The following DNAH14 variants were observed in gnomAD, a reference collection of about 807,000 sequenced individuals.
The protein encoded by DNAH14 is axonemal beta dynein heavy chain 14.
DNAH14 carries 478 observed loss-of-function variants against 520.9 expected under a neutral mutation model. The observed-to-expected ratio is 0.92, with a 90% CI of 0.85 to 0.99. The LOEUF (loss-of-function observed/expected upper bound fraction) is 0.99, where lower values mean the gene tolerates loss of function less well. Among genes scored for constraint, DNAH14 ranks in the 50% least tolerant of loss-of-function variants. The pLI is 0.00. For missense variants in DNAH14, 4,831 were observed against 5,234.5 expected, an observed-to-expected ratio of 0.92 and a Z score of 2.38; for synonymous variants, 1,581 against 1,757.2, an observed-to-expected ratio of 0.90 and a Z score of 2.51.
At chr1:225,357,545 G>C (rs2095443938) in intron 73 of DNAH14, among the ~76,000 whole-genome samples, 1 of 152,114 alleles carries the variant, frequency 6.6e-6, no homozygotes, top group African/African-American at 2.4e-5. Context: ...TATTCTAAGT[G>C]AACTCTGCTA....
rs1342083624 is a variant in DNAH14, at chr1:225,186,644, C to T, written c.5670+1219C>T. 5.3e-5 allele frequency among the ~76,000 whole-genome samples: 8 copies of T among 151,724 alleles called. No homozygotes were observed. The East Asian group carries it at 9.7e-4, about 18-fold the overall frequency. ...GTATTAGCTTTGATTATTTATTCTACACTAAATATATTTTGAAATAACCGA... is the reference window on the plus strand; with the variant it reads ...GTATTAGCTTTGATTATTTATTCTATACTAAATATATTTTGAAATAACCGA... On this transcript the variant is annotated intron_variant, in intron 37 of 85. Coordinates refer to ENST00000682510, the MANE Select transcript of DNAH14 (RefSeq NM_001367479.1).
intron 10 of DNAH14, among the ~76,000 whole-genome samples, chr1:225,011,919 G>A (rs192623399): frequency 6.6e-6 from 1 of 152,024 alleles, no homozygotes; most frequent in East Asian, 1.9e-4. Flanking sequence ...GCCAGTCTGT[G>A]TCTTTTAATT....
chr1:225,065,840 C>A (rs1357213097), intron 17 of DNAH14, among the ~76,000 whole-genome samples: 8 of 152,046 alleles, frequency 5.3e-5, no homozygotes, highest in Admixed American at 5.2e-4. Flanking sequence ...GTGCAGACAT[C>A]TCTGACATAC....
rs1197927461 is a variant in DNAH14 at position 224,991,084 on chromosome 1, C to CTTTT, written c.831-11674_831-11671dup. 2.6e-3 allele frequency among the ~76,000 whole-genome samples: 200 copies of CTTTT among 77,874 alleles called. 43 individuals carry two copies. The highest frequency in any genetic ancestry group is 7.6e-3 in the African/African-American group (177 of 23,386). The allele number at this position is 77,874 out of a possible 152,430, so 51.1% of individuals were successfully genotyped here. On this transcript the variant is annotated intron_variant, in intron 8 of 85. Coordinates refer to ENST00000682510, the MANE Select transcript of DNAH14 (RefSeq NM_001367479.1). ...TTCCCTAATGATTAGTGATGTTGAG[C>CTTTT]TTTTTTTTTTTTTTTTTTTTTTTTT...
chr1:225,059,922 G>T (rs985726514), intron 17 of DNAH14, among the ~76,000 whole-genome samples: 7 of 152,186 alleles, frequency 4.6e-5, no homozygotes, highest in Non-Finnish European at 1.0e-4. Context: ...GCTTCCCTTT[G>T]TGGGTAACCC....
At chr1:225,062,314 G>A (rs1039641326) in intron 17 of DNAH14, among the ~76,000 whole-genome samples, 2 of 151,930 alleles carry the variant, frequency 1.3e-5, no homozygotes, top group African/African-American at 4.8e-5. Context: ...GAGAGAGAGA[G>A]AGAGAAAGAA....
At chr1:224,988,284 C>G (rs1199563012) in intron 8 of DNAH14, among the ~76,000 whole-genome samples, 1 of 152,140 alleles carries the variant, frequency 6.6e-6, no homozygotes, top group African/African-American at 2.4e-5. Context: ...ACCACATTTC[C>G]TTTATCCAGT....
chr1:225,327,319 G>A (rs764493032), intron 64 of DNAH14, among the ~76,000 whole-genome samples: 2 of 151,828 alleles, frequency 1.3e-5, no homozygotes, highest in Non-Finnish European at 2.9e-5. Context: ...CACCACGCCC[G>A]GCTAATTTAT....
chr1:225,271,845 G>C lies in DNAH14; in HGVS notation c.7672-61G>C, dbSNP rs1467463351. ...CAAGTCCGCTTTTTAGTGGAAGGTA[G>C]CCAGAAGTAGTCTATACCTCAAATT... is the stretch of plus-strand genomic sequence containing the variant. On this transcript the variant is annotated intron_variant, in intron 50 of 85. Transcript: ENST00000682510. The C allele has an allele frequency of 3.7e-6, 5 of 1,355,012 alleles. No individual in the cohort carries two copies. In the African/African-American group the frequency reaches 7.4e-5, roughly 20 times the overall value. 83.9% of individuals were successfully genotyped at this position (1,355,012 alleles called of 1,614,324 possible). A position where few individuals can be genotyped will look rare whatever the true frequency, so the allele number is the denominator to read the frequency against.
Position 225,241,129 on chromosome 1 carries a change from T to C in DNAH14, c.6748+307T>C, listed in dbSNP as rs2091937916. 2.0e-5 allele frequency among the ~76,000 whole-genome samples: 3 copies of C among 152,184 alleles called. No homozygotes were observed. The South Asian group carries it at 6.2e-4, about 31-fold the overall frequency. On this transcript the variant is annotated intron_variant, in intron 43 of 85. Transcript: ENST00000682510. ...GATCTGTATTATCCATATCGCCATGTAGCAAGAAGTTCTGTAGGATCATAA... is the reference window on the plus strand; with the variant it reads ...GATCTGTATTATCCATATCGCCATGCAGCAAGAAGTTCTGTAGGATCATAA...
intron 1 of DNAH14, among the ~76,000 whole-genome samples, chr1:224,950,067 C>T (rs750229832): frequency 2.6e-5 from 4 of 151,428 alleles, no homozygotes; most frequent in Non-Finnish European, 4.4e-5. Flanking sequence ...TTCCATCTAC[C>T]TCCCTTTCCT....
At chr1:225,011,259 C>G (rs556576812) in intron 10 of DNAH14, among the ~76,000 whole-genome samples, 2 of 152,338 alleles carry the variant, frequency 1.3e-5, no homozygotes, top group South Asian at 4.1e-4. Flanking sequence ...TCCCTCTAAA[C>G]ACTGCTTTAG....
chr1:225,374,766 G>T lies in DNAH14; in HGVS notation c.12397G>T (p.Glu4133Ter), dbSNP rs1558563929. 6 of 1,551,526 alleles carry T rather than the reference G, an allele frequency of 3.9e-6. No individual in the cohort carries two copies. In the African/African-American group the frequency reaches 6.8e-5, roughly 18 times the overall value. Residue 4133 changes from glutamate to a stop codon, truncating the protein, a stop_gained, in exon 78 of 86, where the codon GAA becomes TAA. Coordinates refer to ENST00000682510, the MANE Select transcript of DNAH14 (RefSeq NM_001367479.1). LOFTEE classifies it high-confidence loss of function. ...SWQALRYLIGEVIYGGRVIDN... is the reference protein window; with the variant it reads ...SWQALRYLIG The stretch of plus-strand genomic sequence containing the variant: ...GCAAGCACTGCGCTACCTGATTGGA[G>T]AAGTGATTTACGGTGGCCGGGTGAT...
At chr1:225,108,346 C>T (rs2076243140) in intron 23 of DNAH14, among the ~76,000 whole-genome samples, 2 of 152,294 alleles carry the variant, frequency 1.3e-5, no homozygotes, top group Admixed American at 6.5e-5. Flanking sequence ...TGCTCCTCAG[C>T]TTGCAGAAGG....
At position 225,351,876 on chromosome 1, in the gene DNAH14, A is replaced by G. The variant is rs1279473007; in HGVS notation, c.11526A>G (p.Pro3842=). 1.4e-5 allele frequency: 22 copies of G among 1,550,318 alleles called. No homozygotes were observed. In the Admixed American group the frequency reaches 4.1e-4, roughly 29 times the overall value. Residue 3842 remains proline, a synonymous_variant, in exon 72 of 86, where the codon CCA becomes CCG. Transcript: ENST00000682510. ...NASLEENTKP[P]EETELLNENK... The stretch of plus-strand genomic sequence containing the variant: ...CATTGGAGGAAAATACAAAACCACC[A>G]GAGGAAAGTAAGAAAGCATTCAGTG...
Position 225,152,067 on chromosome 1 carries a change from A to G in DNAH14, c.5003A>G (p.Asn1668Ser). 7 of 1,549,618 alleles carry G rather than the reference A, an allele frequency of 4.5e-6. No individual in the cohort carries two copies. Among genetic ancestry groups the G allele is most frequent in the Non-Finnish European group, 6.1e-6 (7 of 1,146,290 alleles). The change falls in exon 32 of 86, where the codon AAT becomes AGT. Residue 1668 changes from asparagine (N) to serine (S), a missense_variant. By Grantham distance (46) the Asn-to-Ser change is conservative. Coordinates refer to ENST00000682510, the MANE Select transcript of DNAH14 (RefSeq NM_001367479.1). ...NMSCAVFITM[N>S]PRYGGGVELP... is the part of the protein sequence containing the mutation. ...TCTTGTGCGGTATTTATCACCATGA[A>G]TCCCAGGTAAGTATCAGTAAATCTA...
Position 225,117,165 on chromosome 1 carries a change from T to C in DNAH14, c.3868-519T>C, listed in dbSNP as rs74147111. On this transcript the variant is annotated intron_variant, in intron 23 of 85. Coordinates refer to ENST00000682510, the MANE Select transcript of DNAH14 (RefSeq NM_001367479.1). ...AGAAGGAAAGGATTGAGACTAGTGT[T>C]AATGCCTCTAAGTTATAGAAAGGAG... Among the ~76,000 whole-genome samples the C allele has an allele frequency of 5.0e-3, 760 of 152,178 alleles. 10 individuals are homozygous for C. Among genetic ancestry groups the C allele is most frequent in the African/African-American group, 0.017 (710 of 41,514 alleles).
At chr1:225,305,930 A>G (rs1407579318) in intron 58 of DNAH14, among the ~76,000 whole-genome samples, 1 of 152,228 alleles carries the variant, frequency 6.6e-6, no homozygotes, top group Non-Finnish European at 1.5e-5. Context: ...GATCATGACT[A>G]TGACTCCCAC....
intron 43 of DNAH14, chr1:225,250,613 C>A: frequency 2.1e-6 from 1 of 479,134 alleles, no homozygotes; most frequent in Non-Finnish European, 3.9e-6. Context: ...GTTATACTCA[C>A]AGGTTCCTGA....
Sources: allele counts gnomAD v4.1 joint callset (sites outside exome capture counted in the v4.1 genomes callset), GRCh38; gene constraint gnomAD v4.1.1; transcripts MANE v1.5; gene names NCBI Gene and HGNC (gene_info 2026-07-23, HGNC 2026-07-21).